ARSG: variants seen among roughly 807,000 people sequenced by gnomAD.
The protein encoded by ARSG is ASG.
A neutral mutation model predicts 50.5 loss-of-function variants in ARSG; 37 were observed. The ratio of observed to expected loss-of-function variants is 0.73; its 90% confidence interval spans 0.56 to 0.96. ARSG has a LOEUF of 0.96. Ranked by LOEUF, ARSG falls within the 50% of genes least tolerant of loss-of-function variation. ARSG has a pLI of 0.00. For missense variants in ARSG, 629 were observed against 675.3 expected (o/e 0.93, Z 0.76); for synonymous variants, 225 against 254.6 (o/e 0.88, Z 1.11).
chr17:68,317,062 T>C (rs371315204), intron 2 of ARSG, among the ~76,000 whole-genome samples: 258 of 152,244 alleles, frequency 1.7e-3, no homozygotes, highest in African/African-American at 5.8e-3. Flanking sequence ...TTTAACCTGG[T>C]TGCAGGAGAT....
chr17:68,449,539 T>C, the ARSG span, among the ~76,000 whole-genome samples: 2 of 152,252 alleles, frequency 1.3e-5, no homozygotes, highest in Non-Finnish European at 2.9e-5. Context: ...AGAGTTCTTA[T>C]GAATGGTTTA....
intron 7 of ARSG, 40 bp downstream of exon 7, chr17:68,368,784 T>C (rs376968839): frequency 2.4e-5 from 38 of 1,599,586 alleles, no homozygotes; most frequent in Non-Finnish European, 3.0e-5. Flanking sequence ...TGCCATTTAA[T>C]AGACAACCTT....
chr17:68,364,510 T>C (rs2079448578), intron 6 of ARSG, among the ~76,000 whole-genome samples: 1 of 151,984 alleles, frequency 6.6e-6, no homozygotes, highest in Non-Finnish European at 1.5e-5. Context: ...CAGGCACGCG[T>C]CACCATGCCT....
At chr17:68,324,714 A>T (rs1416208348) in intron 2 of ARSG, among the ~76,000 whole-genome samples, 2 of 152,218 alleles carry the variant, frequency 1.3e-5, no homozygotes, top group Non-Finnish European at 2.9e-5. Context: ...GGGAATTTGG[A>T]TGCCTGTTTT....
intron 11 of ARSG, among the ~76,000 whole-genome samples, chr17:68,408,738 C>T (rs1008631455): frequency 1.3e-5 from 2 of 150,536 alleles, no homozygotes; most frequent in Admixed American, 6.6e-5. Context: ...TACAGTCCCA[C>T]CAACAGTGTA....
At chr17:68,372,107 G>T (rs2079874365) in intron 8 of ARSG, among the ~76,000 whole-genome samples, 1 of 152,140 alleles carries the variant, frequency 6.6e-6, no homozygotes. Flanking sequence ...TTCAGAGGTG[G>T]ACCTGGCAAG....
intron 11 of ARSG, among the ~76,000 whole-genome samples, chr17:68,417,608 T>G (rs914207204): frequency 2.6e-5 from 4 of 152,102 alleles, no homozygotes; most frequent in Non-Finnish European, 4.4e-5. Context: ...CAGAGGTTTC[T>G]GCTTGTGGGT....
chr17:68,267,008 A>G (rs2075179877), intron 1 of ARSG: 1 of 152,172 alleles, frequency 6.6e-6, no homozygotes, highest in African/African-American at 2.4e-5. Context: ...TCAATAAAAA[A>G]TCTTAGAAGA....
Position 68,307,631 on chromosome 17 carries a change from G to A in ARSG, c.138G>A (p.Met46Ile), listed in dbSNP as rs1340794906. ...TTGTGATTATTTTGGCCGATGACATGGGGTGGGGTGACCTGGGAGCAAACT... is the reference window on the plus strand; with the variant it reads ...TTGTGATTATTTTGGCCGATGACATAGGGTGGGGTGACCTGGGAGCAAACT... ...PNFVIILADD[M>I]GWGDLGANWA... The change falls in exon 2 of 12, where the codon ATG (methionine) becomes ATA (isoleucine). Residue 46 changes from methionine to isoleucine, a missense_variant. Transcript: ENST00000621439. The A allele has an allele frequency of 3.7e-6, 6 of 1,613,064 alleles. No individual in the cohort carries two copies. In the African/African-American group the frequency reaches 6.7e-5, roughly 18 times the overall value.
At chr17:68,427,395 T>C (rs1284049858), downstream of ARSG, 14 of 620,534 alleles carry the variant, frequency 2.3e-5, no homozygotes, top group Non-Finnish European at 3.0e-5. Context: ...CTTGCTCTAT[T>C]GCCCAGGCTG....
intron 6 of ARSG, among the ~76,000 whole-genome samples, chr17:68,368,048 C>T (rs1485424036): frequency 2.6e-5 from 4 of 151,948 alleles, no homozygotes; most frequent in South Asian, 4.1e-4. Context: ...CCAGCCTGGG[C>T]GACAAGAGTG....
intron 4 of ARSG, among the ~76,000 whole-genome samples, chr17:68,348,988 T>C (rs1599825205): frequency 6.6e-6 from 1 of 152,092 alleles, no homozygotes; most frequent in East Asian, 1.9e-4. Context: ...GCTAGCTGTT[T>C]TTGTAAATAA....
Position 68,281,124 on chromosome 17 carries a change from T to TC in ARSG, c.-552+21700dup, listed in dbSNP as rs1456801841. ...CTGGGTGACAGAAGGAGACTCTGCCTCCAAAAAAAAAAAAAAAGAATGAAA... is the reference window on the plus strand; with the variant it reads ...CTGGGTGACAGAAGGAGACTCTGCCTCCCAAAAAAAAAAAAAAAGAATGAAA... On this transcript the variant is annotated intron_variant, in intron 1 of 11. Coordinates refer to the ARSG transcript ENST00000448504. 7.2e-5 allele frequency among the ~76,000 whole-genome samples: 9 copies of TC among 124,664 alleles called. No individual in the cohort carries two copies. The South Asian group carries it at 1.2e-3, about 17-fold the overall frequency. 81.8% of individuals were successfully genotyped at this position (124,664 alleles called of 152,430 possible). A position where few individuals can be genotyped will look rare whatever the true frequency, so the allele number is the denominator to read the frequency against.
At chr17:68,341,482 G>A (rs1010416388) in intron 2 of ARSG, among the ~76,000 whole-genome samples, 1 of 152,142 alleles carries the variant, frequency 6.6e-6, no homozygotes, top group East Asian at 1.9e-4. Context: ...TTTTTGAAGT[G>A]TTCATAACAG....
downstream of ARSG, among the ~76,000 whole-genome samples, chr17:68,425,279 C>T (rs767762643): frequency 2.6e-5 from 4 of 152,236 alleles, no homozygotes; most frequent in Non-Finnish European, 4.4e-5. Flanking sequence ...TCAGAGCTCA[C>T]TGCAGCCTCG....
chr17:68,433,028 G>A, the ARSG span, among the ~76,000 whole-genome samples: 10 of 152,274 alleles, frequency 6.6e-5, no homozygotes, highest in Middle Eastern at 3.4e-3. Context: ...CTTCCCAAGC[G>A]CTCAGTGGTG....
At chr17:68,427,026 C>T, downstream of ARSG, 2 of 881,026 alleles carry the variant, frequency 2.3e-6, no homozygotes, top group Non-Finnish European at 1.8e-6. Context: ...GGAGGGAGGG[C>T]ACTCCACCCC....
At chr17:68,362,711 G>A (rs1366158584) in intron 6 of ARSG, among the ~76,000 whole-genome samples, 2 of 152,194 alleles carry the variant, frequency 1.3e-5, no homozygotes, top group Non-Finnish European at 2.9e-5. Flanking sequence ...TTTCCTTTGA[G>A]TGTCAGGTCA....
chr17:68,385,230 G>A, intron 9 of ARSG, 58 bp downstream of exon 9: 1 of 1,500,412 alleles, frequency 6.7e-7, no homozygotes, highest in South Asian at 1.1e-5. Context: ...AGTCATGGAG[G>A]CATGGGTGGC....
Sources: allele counts gnomAD v4.1 joint callset (sites outside exome capture counted in the v4.1 genomes callset), GRCh38; gene constraint gnomAD v4.1.1; transcripts MANE v1.5; gene names NCBI Gene and HGNC (gene_info 2026-07-23, HGNC 2026-07-21).